The following ATF2 variants were observed in gnomAD, a reference collection of about 807,000 sequenced individuals.
ATF2 encodes activating transcription factor 2, also known as cyclic AMP-dependent transcription factor ATF-2.
In ATF2, 24 loss-of-function variants were observed where a neutral mutation model predicts 60.6. The ratio of observed to expected loss-of-function variants is 0.40; its 90% CI spans 0.29 to 0.56. The LOEUF (loss-of-function observed/expected upper bound fraction) is 0.56. Among genes scored for constraint, ATF2 ranks in the 20% least tolerant of loss-of-function variants. ATF2 has a pLI of 0.54. For missense variants in ATF2, 433 were observed against 607.7 expected, an observed-to-expected ratio of 0.71 and a Z score of 3.02; for synonymous variants, 206 against 215.4, an observed-to-expected ratio of 0.96 and a Z score of 0.38.
rs890030113 is a variant in ATF2 at position 175,094,229 on chromosome 2, T to C, written c.979-962A>G. On this transcript the variant is annotated intron_variant, in intron 11 of 13. Coordinates refer to ENST00000264110, the MANE Select transcript of ATF2 (RefSeq NM_001880.4). The stretch of plus-strand genomic sequence containing the variant: ...CCAACATGGTGAAAACCAGTCTCTA[T>C]TAAAATACAAAAAAATTAGCTGAGC... Among the ~76,000 whole-genome samples, 4 of 151,242 alleles carry C rather than the reference T, an allele frequency of 2.6e-5. No homozygotes were observed. The East Asian group carries it at 7.8e-4, about 29-fold the overall frequency.
At chr2:175,130,450 T>C (rs1697650362) in intron 3 of ATF2, among the ~76,000 whole-genome samples, 1 of 152,138 alleles carries the variant, frequency 6.6e-6, no homozygotes, top group South Asian at 2.1e-4. Context: ...AACTTTTTCC[T>C]GCTCAACAGT....
chr2:175,084,332 T>A (rs58205269), intron 12 of ATF2, among the ~76,000 whole-genome samples: 162 of 152,208 alleles, frequency 1.1e-3, no homozygotes, highest in African/African-American at 3.9e-3. Context: ...GATGTGTTCA[T>A]GTCCTTTGTA....
chr2:175,150,115 A>G (rs1170146017), intron 2 of ATF2, among the ~76,000 whole-genome samples: 1 of 152,216 alleles, frequency 6.6e-6, no homozygotes, highest in Non-Finnish European at 1.5e-5. Context: ...ATCACAGAGT[A>G]AGAAAAAATT....
intron 11 of ATF2, among the ~76,000 whole-genome samples, chr2:175,093,912 A>G (rs1215634697): frequency 2.0e-5 from 3 of 152,234 alleles, no homozygotes; most frequent in African/African-American, 7.2e-5. Context: ...AGGAGCCTTA[A>G]TTTTCATTTT....
intron 10 of ATF2, among the ~76,000 whole-genome samples, chr2:175,106,029 TCTAA>T (rs1395254463): frequency 1.3e-5 from 2 of 152,072 alleles, no homozygotes; most frequent in African/African-American, 4.8e-5. Context: ...AAATAGATAA[TCTAA>T]GCTTCTACTT....
intron 10 of ATF2, among the ~76,000 whole-genome samples, chr2:175,111,209 ATAC>A (rs1696158621): frequency 6.6e-6 from 1 of 152,210 alleles, no homozygotes; most frequent in African/African-American, 2.4e-5. Flanking sequence ...ATTCTTTTTA[ATAC>A]TGTTAAAACC....
chr2:175,077,004 GTTC>G (rs1249456836), intron 13 of ATF2, among the ~76,000 whole-genome samples: 18 of 135,774 alleles, frequency 1.3e-4, no homozygotes, highest in Non-Finnish European at 2.3e-4. Context: ...ATGTCCATGT[GTTC>G]TTATTGTTCA....
Position 175,108,179 on chromosome 2 carries a change from G to A in ATF2, c.828+3389C>T, listed in dbSNP as rs530147732. The stretch of plus-strand genomic sequence containing the variant: ...ATGTGGGGAGCGCCTCTGCCCGGCC[G>A]CGACCCCGTCTGGGATGTGAGGAGC... On this transcript the variant is annotated intron_variant, in intron 10 of 13. Coordinates refer to ENST00000264110, the MANE Select transcript of ATF2 (RefSeq NM_001880.4). 5.3e-3 allele frequency among the ~76,000 whole-genome samples: 790 copies of A among 149,770 alleles called. 5 individuals are homozygous for A. The highest frequency in any genetic ancestry group is 0.018 in the African/African-American group (737 of 40,598).
At position 175,163,010 on chromosome 2, in the gene ATF2, T is replaced by C. The variant is rs1303965768; in HGVS notation, c.-143+5040A>G. 2.0e-5 allele frequency among the ~76,000 whole-genome samples: 3 copies of C among 152,044 alleles called. No individual in the cohort carries two copies. In the East Asian group the frequency reaches 5.8e-4, roughly 29 times the overall value. On this transcript the variant is annotated intron_variant, in intron 1 of 13. Coordinates refer to ENST00000264110, the MANE Select transcript of ATF2 (RefSeq NM_001880.4). ...TTTGCCGGGCGTGGTGGTGGGTGCC[T>C]GTAGTCCCAGCTACTTGGGAGGCTG...
intron 7 of ATF2, among the ~76,000 whole-genome samples, chr2:175,115,078 G>GTTGTTTT: frequency 6.9e-6 from 1 of 144,042 alleles, no homozygotes. Context: ...AAAAAGACTC[G>GTTGTTTT]TTTTTTTTTT....
At chr2:175,118,864 G>GTC (rs1696762801) in intron 5 of ATF2, among the ~76,000 whole-genome samples, 1 of 151,294 alleles carries the variant, frequency 6.6e-6, no homozygotes, top group African/African-American at 2.4e-5. Flanking sequence ...TAAAAATATT[G>GTC]TAAGAAAGAA....
chr2:175,081,877 C>G (rs998926458), intron 12 of ATF2, among the ~76,000 whole-genome samples: 5 of 152,058 alleles, frequency 3.3e-5, no homozygotes, highest in Admixed American at 3.3e-4. Context: ...ATGGTGAAAC[C>G]CTGTCTCTAC....
chr2:175,156,015 C>T (rs1281009263), intron 1 of ATF2, among the ~76,000 whole-genome samples: 1 of 152,046 alleles, frequency 6.6e-6, no homozygotes, highest in Non-Finnish European at 1.5e-5. Flanking sequence ...ATACCCTAAT[C>T]CCTGGAACCT....
At chr2:175,151,373 T>C (rs1699301579) in intron 1 of ATF2, among the ~76,000 whole-genome samples, 2 of 152,150 alleles carry the variant, frequency 1.3e-5, no homozygotes, top group South Asian at 2.1e-4. Context: ...GTTTATCCTG[T>C]AGCCTCCCGT....
intron 4 of ATF2, 149 bp from the exon 5 acceptor site, chr2:175,121,689 T>A: frequency 1.8e-6 from 1 of 548,424 alleles, no homozygotes. Flanking sequence ...TTATTGTTAG[T>A]AGATAGCACA....
At chr2:175,147,832 G>A (rs1332960947) in intron 2 of ATF2, 1 of 152,114 alleles carries the variant, frequency 6.6e-6, no homozygotes, top group African/African-American at 2.4e-5. Context: ...TAAATCAAAA[G>A]CATTCATATT....
chr2:175,082,792 C>T (rs933293040), intron 12 of ATF2, among the ~76,000 whole-genome samples: 40 of 152,170 alleles, frequency 2.6e-4, no homozygotes, highest in African/African-American at 8.4e-4. Context: ...AAATTGCTAG[C>T]TAAATACATA....
chr2:175,139,341 C>T (rs1698344850), intron 2 of ATF2, among the ~76,000 whole-genome samples: 1 of 152,136 alleles, frequency 6.6e-6, no homozygotes, highest in Admixed American at 6.5e-5. Flanking sequence ...AACTCTGCAT[C>T]TTGGAGAAGC....
intron 7 of ATF2, 30 bp downstream of exon 7, chr2:175,117,960 C>T: frequency 6.3e-7 from 1 of 1,580,462 alleles, no homozygotes; most frequent in Non-Finnish European, 8.6e-7. Flanking sequence ...TGTTCCTCCC[C>T]CTTACTTTGT....
Sources: gnomAD v4.1 joint callset for allele counts (sites outside exome capture counted in the v4.1 genomes callset) on GRCh38, gnomAD v4.1.1 for gene constraint, MANE v1.5 for transcripts, NCBI Gene and HGNC (gene_info 2026-07-23, HGNC 2026-07-21) for gene names.